The following IMMP2L variants were observed in gnomAD, a reference collection of about 807,000 sequenced individuals.
IMMP2L encodes the protein inner mitochondrial membrane peptidase subunit 2.
A neutral mutation model predicts 19.3 loss-of-function variants in IMMP2L; 18 were observed. That is an observed-to-expected ratio of 0.93 (90% CI 0.64 to 1.38). The LOEUF (loss-of-function observed/expected upper bound fraction) is 1.38, where lower values mean the gene tolerates loss of function less well. Ranked by LOEUF, IMMP2L falls within the 40% of genes most tolerant of loss-of-function variation. The pLI is 0.00. For missense variants in IMMP2L, 233 were observed against 218.2 expected (o/e 1.07, Z -0.43); for synonymous variants, 76 against 73.0 (o/e 1.04, Z -0.21).
At chr7:111,334,861 G>GA (rs1286261425) in intron 3 of IMMP2L, among the ~76,000 whole-genome samples, 8 of 152,020 alleles carry the variant, frequency 5.3e-5, no homozygotes, top group African/African-American at 7.2e-5. Flanking sequence ...TCAGTACACA[G>GA]AAAAAAACAA....
chr7:111,065,788 C>G (rs1794433726), intron 3 of IMMP2L, among the ~76,000 whole-genome samples: 1 of 152,178 alleles, frequency 6.6e-6, no homozygotes, highest in South Asian at 2.1e-4. Context: ...CCTTGCTCCT[C>G]AGCTTGCATA....
chr7:111,047,352 T>A (rs1585941925), intron 3 of IMMP2L, among the ~76,000 whole-genome samples: 1 of 152,188 alleles, frequency 6.6e-6, no homozygotes, highest in South Asian at 2.1e-4. Flanking sequence ...CATTCCTGGC[T>A]AATTTTTGTA....
At chr7:111,443,478 G>A (rs1837956160) in intron 3 of IMMP2L, among the ~76,000 whole-genome samples, 1 of 152,096 alleles carries the variant, frequency 6.6e-6, no homozygotes, top group Non-Finnish European at 1.5e-5. Context: ...TGCCTAGTAA[G>A]CTTGAAGCAG....
At chr7:111,460,457 A>G (rs935079886) in intron 3 of IMMP2L, among the ~76,000 whole-genome samples, 1 of 152,120 alleles carries the variant, frequency 6.6e-6, no homozygotes. Context: ...AGAACAAAAG[A>G]GTCAGGCTAT....
intron 5 of IMMP2L, among the ~76,000 whole-genome samples, chr7:110,719,435 T>C (rs374791858): frequency 2.0e-5 from 3 of 152,178 alleles, no homozygotes; most frequent in African/African-American, 7.2e-5. Flanking sequence ...AGAAAATTGA[T>C]CAGGATTTTT....
At chr7:111,093,558 C>A (rs748678576) in intron 3 of IMMP2L, among the ~76,000 whole-genome samples, 32 of 152,228 alleles carry the variant, frequency 2.1e-4, no homozygotes, top group Middle Eastern at 6.8e-3. Flanking sequence ...ATCTAACCCG[C>A]CTTATTTTAA....
At chr7:111,489,080 G>A (rs934548087) in intron 2 of IMMP2L, among the ~76,000 whole-genome samples, 3 of 117,986 alleles carry the variant, frequency 2.5e-5, no homozygotes, top group Admixed American at 1.2e-4. Flanking sequence ...GTCTCACACC[G>A]TCGCCCAGGC....
chr7:111,325,833 C>G (rs1254830752), intron 3 of IMMP2L, among the ~76,000 whole-genome samples: 1 of 151,714 alleles, frequency 6.6e-6, no homozygotes, highest in Admixed American at 6.6e-5. Context: ...TGTAGTAGAT[C>G]AAAATGGCAT....
rs576429874 is a variant in IMMP2L at position 111,406,262 on chromosome 7, C to T, written c.239+80976G>A. 3.9e-5 allele frequency among the ~76,000 whole-genome samples: 6 copies of T among 152,192 alleles called. No homozygotes were observed. In the South Asian group the frequency reaches 8.3e-4, roughly 21 times the overall value. On this transcript the variant is annotated intron_variant, in intron 3 of 5. Transcript: ENST00000405709. Reference sequence around the variant, plus strand: ...AATCCTCCTTGATTCCTCTATTTCTCTCATACTCCATATCCCAGCCATCAA... The same window carrying T: ...AATCCTCCTTGATTCCTCTATTTCTTTCATACTCCATATCCCAGCCATCAA...
intron 3 of IMMP2L, among the ~76,000 whole-genome samples, chr7:111,361,484 G>C (rs1436107529): frequency 6.6e-6 from 1 of 152,086 alleles, no homozygotes; most frequent in Admixed American, 6.6e-5. Context: ...TATAGTAGCA[G>C]TTGCAGCATA....
chr7:110,937,739 A>T (rs1816279780), intron 4 of IMMP2L, among the ~76,000 whole-genome samples: 2 of 152,128 alleles, frequency 1.3e-5, no homozygotes, highest in Non-Finnish European at 2.9e-5. Context: ...GAAGATACAA[A>T]ACCCATTTTA....
intron 5 of IMMP2L, among the ~76,000 whole-genome samples, chr7:110,770,000 C>A (rs1214202669): frequency 6.6e-6 from 1 of 152,080 alleles, no homozygotes; most frequent in Non-Finnish European, 1.5e-5. Context: ...TAGATAGAAG[C>A]CAATGAAGAG....
At chr7:110,816,908 G>A (rs1802572666) in intron 5 of IMMP2L, among the ~76,000 whole-genome samples, 1 of 152,092 alleles carries the variant, frequency 6.6e-6, no homozygotes, top group Admixed American at 6.6e-5. Context: ...GATGGGTCTT[G>A]ACTCTTTATC....
chr7:111,042,814 G>A (rs1792026637), intron 3 of IMMP2L, among the ~76,000 whole-genome samples: 1 of 152,006 alleles, frequency 6.6e-6, no homozygotes, highest in Non-Finnish European at 1.5e-5. Context: ...CCCTTTTCTT[G>A]ACCCACTCTC....
intron 3 of IMMP2L, among the ~76,000 whole-genome samples, chr7:110,969,508 T>C (rs763232841): frequency 8.6e-5 from 13 of 151,862 alleles, no homozygotes; most frequent in Non-Finnish European, 1.6e-4. Flanking sequence ...CCGAGAATGC[T>C]CCCAACCAAG....
In IMMP2L at chr7:110,870,226, C is replaced by T. The variant is rs1210373234; in HGVS notation, c.408+16367G>A. On this transcript the variant is annotated intron_variant, in intron 5 of 5. Transcript: ENST00000405709. The surrounding 1 kb of genome is among the most constrained non-coding windows in gnomAD (Gnocchi z 4.2). ...GTCAGGAGCCTTCTTCCAATCTCCA[C>T]TAACCATTTTAAGTGCATTTCATTC... Among the ~76,000 whole-genome samples, 1 of 152,138 alleles carries T rather than the reference C, an allele frequency of 6.6e-6. No homozygotes were observed. The highest frequency in any genetic ancestry group is 1.5e-5 in the Non-Finnish European group (1 of 68,016).
intron 5 of IMMP2L, among the ~76,000 whole-genome samples, chr7:110,730,585 T>C (rs780355471): frequency 4.6e-5 from 7 of 151,486 alleles, no homozygotes; most frequent in South Asian, 2.1e-4. Context: ...CTGGAGTGCA[T>C]GCCATCTCGG....
intron 3 of IMMP2L, among the ~76,000 whole-genome samples, chr7:111,267,622 G>A (rs533412723): frequency 6.6e-6 from 1 of 152,232 alleles, no homozygotes; most frequent in African/African-American, 2.4e-5. Flanking sequence ...CTTCTAAGGA[G>A]GACATTCTTA....
At chr7:110,884,928 T>C (rs1810057887) in intron 5 of IMMP2L, among the ~76,000 whole-genome samples, 1 of 152,064 alleles carries the variant, frequency 6.6e-6, no homozygotes, top group Non-Finnish European at 1.5e-5. Context: ...TATCCAACTC[T>C]AGCTCTATTA....
Sources: gnomAD v4.1 joint callset for allele counts (sites outside exome capture counted in the v4.1 genomes callset) on GRCh38, gnomAD v4.1.1 for gene constraint, Gnocchi (gnomAD v3.1) non-coding constraint, MANE v1.5 for transcripts, NCBI Gene and HGNC (gene_info 2026-07-23, HGNC 2026-07-21) for gene names.